The following CACNB1 variants were observed in gnomAD, a reference collection of about 807,000 sequenced individuals.
The protein encoded by CACNB1 is voltage-dependent L-type calcium channel subunit beta-1.
A neutral mutation model predicts 71.6 loss-of-function variants in CACNB1; 29 were observed. The ratio of observed to expected loss-of-function variants is 0.40; its 90% confidence interval spans 0.30 to 0.55. The LOEUF (loss-of-function observed/expected upper bound fraction) is 0.55. Ranked by LOEUF, CACNB1 falls within the 20% of genes least tolerant of loss-of-function variation. The pLI is 0.38. For synonymous variants in CACNB1, 300 were observed against 319.6 expected (o/e 0.94, Z 0.65); for missense variants, 623 against 801.8 (o/e 0.78, Z 2.69).
At chr17:39,178,489 C>G (rs2045652845) in intron 11 of CACNB1, among the ~76,000 whole-genome samples, 1 of 151,862 alleles carries the variant, frequency 6.6e-6, no homozygotes, top group African/African-American at 2.4e-5. Context: ...CAAGCGAGCC[C>G]CCAGCCTAGC....
At chr17:39,188,343 A>G (rs1221117513) in intron 3 of CACNB1, among the ~76,000 whole-genome samples, 1 of 152,108 alleles carries the variant, frequency 6.6e-6, no homozygotes, top group Non-Finnish European at 1.5e-5. Context: ...TGGGAGGCAG[A>G]GGCAGGTGGA....
intron 12 of CACNB1, 114 bp downstream of exon 12, chr17:39,177,870 C>T (rs752104824): frequency 3.6e-5 from 31 of 849,964 alleles, no homozygotes; most frequent in Admixed American, 1.5e-4. Flanking sequence ...CAGTCTGCAC[C>T]CACAGGCCTG....
At chr17:39,189,030 C>T (rs536571041) in intron 3 of CACNB1, among the ~76,000 whole-genome samples, 18 of 150,714 alleles carry the variant, frequency 1.2e-4, no homozygotes, top group Non-Finnish European at 2.5e-4. Flanking sequence ...GCAACAAGAG[C>T]GAAACTCCGT....
In CACNB1 at chr17:39,184,374, T is replaced by C. The variant is rs1375950166; in HGVS notation, c.739A>G (p.Met247Val). ...PSLKGYEVTD[M>V]MQKALFDFLK... The stretch of plus-strand genomic sequence containing the variant: ...AAGTCAAATAAAGCTTTCTGCATCA[T>C]GTCTGTAACCTGGGGGTGGGGGTTT... Residue 247 changes from methionine (M) to valine (V), a missense_variant, in exon 9 of 14, where the codon ATG becomes GTG. Physicochemically the swap from Met to Val is conservative, Grantham distance 21. Coordinates refer to ENST00000394303, the MANE Select transcript of CACNB1 (RefSeq NM_000723.5). 1 of 1,451,386 alleles carries C rather than the reference T, an allele frequency of 6.9e-7. No homozygotes were observed. The highest frequency in any genetic ancestry group is 9.3e-7 in the Non-Finnish European group (1 of 1,073,590). The allele number at this position is 1,451,386 out of a possible 1,614,324, so 89.9% of individuals were successfully genotyped here.
intron 12 of CACNB1, 121 bp from the exon 13 acceptor site, chr17:39,177,656 C>A: frequency 1.3e-6 from 1 of 766,370 alleles, no homozygotes; most frequent in Non-Finnish European, 2.1e-6. Flanking sequence ...TAAAAAGAGG[C>A]CTCTGGATGT....
chr17:39,179,090 G>C (rs982772525), intron 11 of CACNB1, among the ~76,000 whole-genome samples: 26 of 149,526 alleles, frequency 1.7e-4, no homozygotes, highest in African/African-American at 4.9e-5. Flanking sequence ...TCAGGAGATC[G>C]AGACCATCCT....
At chr17:39,178,312 TA>T in intron 11 of CACNB1, 1 of 410,182 alleles carries the variant, frequency 2.4e-6, no homozygotes, top group Non-Finnish European at 4.4e-6. Context: ...TTAGGGGCTA[TA>T]TGAAGGGCAG....
At position 39,186,219 on chromosome 17, in the gene CACNB1, A is replaced by C. The variant is rs2045936009; in HGVS notation, c.628+277T>G. ...GGATGGGGATGGGGAAAAAAGAAAG[A>C]AGAAGAGGTGAATGGAACAGGGCTG... On this transcript the variant is annotated intron_variant, in intron 6 of 13. Coordinates refer to ENST00000394303, the MANE Select transcript of CACNB1 (RefSeq NM_000723.5). This position sits in a 1 kb window ranked among gnomAD's most constrained non-coding sequence, Gnocchi z 4.1. 4.6e-6 allele frequency: 4 copies of C among 874,948 alleles called. No homozygotes were observed. In the South Asian group the frequency reaches 6.4e-5, roughly 14 times the overall value. The allele number at this position is 874,948 out of a possible 1,614,324, so 54.2% of individuals were successfully genotyped here. A position where few individuals can be genotyped will look rare whatever the true frequency, so the allele number is the denominator to read the frequency against.
intron 3 of CACNB1, among the ~76,000 whole-genome samples, chr17:39,188,667 G>A (rs2046000474): frequency 6.6e-6 from 1 of 152,176 alleles, no homozygotes; most frequent in African/African-American, 2.4e-5. Context: ...GTGGAATTCA[G>A]CCCTCTCAGG....
chr17:39,183,981 C>G, intron 10 of CACNB1, 50 bp downstream of exon 10: 1 of 1,536,416 alleles, frequency 6.5e-7, no homozygotes, highest in Admixed American at 1.7e-5. Flanking sequence ...TCCCACCCCT[C>G]CCACATCCGG....
intron 3 of CACNB1, among the ~76,000 whole-genome samples, chr17:39,187,877 G>A (rs1597707273): frequency 6.6e-6 from 1 of 152,094 alleles, no homozygotes; most frequent in South Asian, 2.1e-4. Flanking sequence ...GCCAGGCGTG[G>A]TGGTGGGTGC....
rs951972125 is a variant in CACNB1 at position 39,194,533 on chromosome 17, T to G, written c.171+351A>C. 5.3e-5 allele frequency among the ~76,000 whole-genome samples: 8 copies of G among 152,182 alleles called. No individual in the cohort carries two copies. Among genetic ancestry groups the G allele is most frequent in the Admixed American group, 4.6e-4 (7 of 15,278 alleles). Reference sequence around the variant, plus strand: ...CTCCACCCAACCCTGTCACAGATTCTGGGGGAGGACATGGAAGCAGACAGC... The same window carrying G: ...CTCCACCCAACCCTGTCACAGATTCGGGGGGAGGACATGGAAGCAGACAGC... On this transcript the variant is annotated intron_variant, in intron 2 of 13. Coordinates refer to ENST00000394303, the MANE Select transcript of CACNB1 (RefSeq NM_000723.5). The surrounding 1 kb of genome is among the most constrained non-coding windows in gnomAD (Gnocchi z 4.6).
At chr17:39,182,056 G>A (rs1352830928) in intron 11 of CACNB1, among the ~76,000 whole-genome samples, 1 of 152,010 alleles carries the variant, frequency 6.6e-6, no homozygotes, top group African/African-American at 2.4e-5. Flanking sequence ...AGCTACTCAG[G>A]AGGATGAGGC....
chr17:39,197,526 C>A lies in CACNB1; in HGVS notation c.-31G>T. ...GGAGCCTCCCCTCCCGCCGCCGGCC[C>A]GGCCCAGCCGGGCTCCCTCAGCGCA... On this transcript the variant is annotated 5_prime_UTR_variant, in exon 1 of 14. Transcript: ENST00000394303. 1 of 1,467,566 alleles carries A rather than the reference C, an allele frequency of 6.8e-7. No individual in the cohort carries two copies. The highest frequency in any genetic ancestry group is 9.1e-7 in the Non-Finnish European group (1 of 1,103,900). 90.9% of individuals were successfully genotyped at this position (1,467,566 alleles called of 1,614,324 possible).
At chr17:39,180,138 G>A (rs965708724) in intron 11 of CACNB1, among the ~76,000 whole-genome samples, 30 of 151,160 alleles carry the variant, frequency 2.0e-4, no homozygotes, top group Non-Finnish European at 2.4e-4. Flanking sequence ...GGTGGCAGGC[G>A]CCTGTAATCC....
chr17:39,177,752 T>A (rs1390440689), intron 12 of CACNB1, among the ~76,000 whole-genome samples: 1 of 152,130 alleles, frequency 6.6e-6, no homozygotes, highest in East Asian at 1.9e-4. Context: ...ATTCTAGAGA[T>A]AAGGCAACCA....
At chr17:39,184,004 G>A (rs1423149897) in intron 10 of CACNB1, 27 bp downstream of exon 10, 2 of 1,568,710 alleles carry the variant, frequency 1.3e-6, no homozygotes, top group East Asian at 4.5e-5. Flanking sequence ...CAGAAAGGGG[G>A]AGTGAAGACA....
At chr17:39,187,711 C>G in intron 3 of CACNB1, 110 bp from the exon 4 acceptor site, 2 of 1,289,460 alleles carry the variant, frequency 1.6e-6, no homozygotes, top group Non-Finnish European at 2.2e-6. Flanking sequence ...ATAATAGTTC[C>G]TTGAAATGTG....
rs3025206 is a variant in CACNB1, at chr17:39,191,758, G to A, written c.172-165C>T. ...TGGTATTAGGTGGAAGGGACCAGGA[G>A]CTGAGATTTCTCAGGCCCCTGGGGA... On this transcript the variant is annotated intron_variant, in intron 2 of 13. Coordinates refer to ENST00000394303, the MANE Select transcript of CACNB1 (RefSeq NM_000723.5). 2.4e-5 allele frequency: 15 copies of A among 635,410 alleles called. No individual in the cohort carries two copies. In the Admixed American group the frequency reaches 5.5e-4, roughly 23 times the overall value. 39.4% of individuals were successfully genotyped at this position (635,410 alleles called of 1,614,324 possible). A position where few individuals can be genotyped will look rare whatever the true frequency, so the allele number is the denominator to read the frequency against.
Sources: allele counts gnomAD v4.1 joint callset (sites outside exome capture counted in the v4.1 genomes callset), GRCh38; gene constraint gnomAD v4.1.1; non-coding constraint Gnocchi (gnomAD v3.1); transcripts MANE v1.5; gene names NCBI Gene and HGNC (gene_info 2026-07-23, HGNC 2026-07-21).